Variants in CELF5 observed in about 807,000 individuals in gnomAD.
CELF5 encodes the protein CUGBP Elav-like family member 5, also known as CUG-BP and ETR-3 like factor 5.
Under a neutral mutation model 54.9 loss-of-function variants are expected in CELF5, and 6 were observed. The ratio of observed to expected loss-of-function variants is 0.11; its 90% CI spans 0.06 to 0.22. The LOEUF is 0.22. Ranked by LOEUF, CELF5 falls within the 10% of genes least tolerant of loss-of-function variation. The pLI is 1.00. For missense variants in CELF5, 401 were observed against 678.6 expected (o/e 0.59, Z 4.54); for synonymous variants, 271 against 290.9 (o/e 0.93, Z 0.70).
Position 3,257,895 on chromosome 19 carries a change from T to G in CELF5, c.342+6828T>G, listed in dbSNP as rs149194768. ...ATGCAGTGGTGCGATCATAGCTCAC[T>G]GCAGCTTTGACCTCCCACCTCAGCC... On this transcript the variant is annotated intron_variant, in intron 2 of 12. Coordinates refer to ENST00000292672, the MANE Select transcript of CELF5 (RefSeq NM_021938.4). 5.3e-3 allele frequency among the ~76,000 whole-genome samples: 806 copies of G among 151,656 alleles called. 9 individuals carry two copies. The highest frequency in any genetic ancestry group is 0.019 in the African/African-American group (771 of 41,334).
chr19:3,286,112 C>G (rs1392395895), intron 10 of CELF5, 87 bp downstream of exon 10: 2 of 1,208,386 alleles, frequency 1.7e-6, no homozygotes, highest in African/African-American at 3.2e-5. Context: ...GCCCGGGCCT[C>G]TGGGACCCGC....
At chr19:3,233,825 A>G (rs1259692156) in intron 1 of CELF5, among the ~76,000 whole-genome samples, 1 of 152,204 alleles carries the variant, frequency 6.6e-6, no homozygotes, top group East Asian at 1.9e-4. Context: ...TCTCAGGGGA[A>G]TATGGACAAT....
chr19:3,255,836 G>A (rs940302274), intron 2 of CELF5, among the ~76,000 whole-genome samples: 8 of 152,136 alleles, frequency 5.3e-5, no homozygotes, highest in Middle Eastern at 3.4e-3. Context: ...AGGCCGAGGC[G>A]AGCAGATCAT....
Position 3,228,639 on chromosome 19 carries a change from C to T in CELF5, c.259+3641C>T, listed in dbSNP as rs1327646308. Among the ~76,000 whole-genome samples, 3 of 120,754 alleles carry T rather than the reference C, an allele frequency of 2.5e-5. No homozygotes were observed. Among genetic ancestry groups the T allele is most frequent in the South Asian group, 2.9e-4 (1 of 3,468 alleles). 79.2% of individuals were successfully genotyped at this position (120,754 alleles called of 152,430 possible). ...GTGGGGGGGGGGCCCGGCGGGGGCC[C>T]GGGTGGGGGCCCGCGGTTTCCATGG... On this transcript the variant is annotated intron_variant, in intron 1 of 12. Transcript: ENST00000292672. The surrounding 1 kb of genome is among the most constrained non-coding windows in gnomAD (Gnocchi z 6.0).
chr19:3,236,176 G>A (rs747231200), intron 1 of CELF5, among the ~76,000 whole-genome samples: 2 of 152,136 alleles, frequency 1.3e-5, no homozygotes, highest in South Asian at 2.1e-4. Context: ...GCATTTATGC[G>A]TGCATTGAGG....
intron 4 of CELF5, among the ~76,000 whole-genome samples, chr19:3,276,914 C>T (rs1599462632): frequency 1.3e-5 from 2 of 152,118 alleles, no homozygotes; most frequent in South Asian, 4.1e-4. Context: ...GACAGAGTTA[C>T]CTGTGCCCTG....
intron 1 of CELF5, among the ~76,000 whole-genome samples, chr19:3,241,501 G>T (rs949732801): frequency 6.6e-6 from 1 of 151,910 alleles, no homozygotes; most frequent in Non-Finnish European, 1.5e-5. Context: ...GAACCCCAAG[G>T]CTCTCCAGGT....
At chr19:3,284,843 G>A in intron 8 of CELF5, 59 bp from the exon 9 acceptor site, 1 of 1,450,050 alleles carries the variant, frequency 6.9e-7, no homozygotes, top group Non-Finnish European at 9.7e-7. Context: ...TTAAGGATCG[G>A]GGGTGGATGG....
rs1406057524 is a variant in CELF5 at position 3,230,079 on chromosome 19, CATT to C, written c.259+5082_259+5084del. Among the ~76,000 whole-genome samples, 681 of 130,918 alleles carry C rather than the reference CATT, an allele frequency of 5.2e-3. 4 individuals are homozygous for C. Among genetic ancestry groups the C allele is most frequent in the Non-Finnish European group, 8.4e-3 (470 of 56,250 alleles). The allele number at this position is 130,918 out of a possible 152,430, so 85.9% of individuals were successfully genotyped here. ...TGGAAACACCTGGTAGGACCACACT[CATT>C]CATTCATTCATTCATTCATTCATTC... On this transcript the variant is annotated intron_variant, in intron 1 of 12. Transcript: ENST00000292672.
intron 11 of CELF5, among the ~76,000 whole-genome samples, chr19:3,291,719 G>C (rs1353457555): frequency 6.6e-6 from 1 of 151,774 alleles, no homozygotes; most frequent in Non-Finnish European, 1.5e-5. Context: ...GCAGTGAGGA[G>C]GCCCATGTGG....
Position 3,224,691 on chromosome 19 carries a change from T to TCGGCCCG in CELF5, c.-48_-47insGGCCCGC. The TCGGCCCG allele has an allele frequency of 1.0e-6, 1 of 992,512 alleles. No individual in the cohort carries two copies. The allele number at this position is 992,512 out of a possible 1,614,324, so 61.5% of individuals were successfully genotyped here. A position where few individuals can be genotyped will look rare whatever the true frequency, so the allele number is the denominator to read the frequency against. On this transcript the variant is annotated 5_prime_UTR_variant, in exon 1 of 13. Coordinates refer to ENST00000292672, the MANE Select transcript of CELF5 (RefSeq NM_021938.4). Reference sequence around the variant, plus strand: ...GCGCGGCCGCCGCTCCAGCTGCGAGTCCGCCCGCCGCCCGCCGCCGCCGCC... The same window carrying TCGGCCCG: ...GCGCGGCCGCCGCTCCAGCTGCGAGTCGGCCCGCCGCCCGCCGCCCGCCGCCGCCGCC...
intron 1 of CELF5, among the ~76,000 whole-genome samples, chr19:3,244,967 C>A (rs1468491842): frequency 2.0e-5 from 2 of 102,154 alleles, no homozygotes; most frequent in Non-Finnish European, 3.9e-5. Context: ...ATCTTGTCTG[C>A]GTGTGTGTGT....
intron 1 of CELF5, among the ~76,000 whole-genome samples, chr19:3,243,347 C>G (rs2079518711): frequency 6.6e-6 from 1 of 152,158 alleles, no homozygotes; most frequent in Non-Finnish European, 1.5e-5. Flanking sequence ...GTGGCACAAT[C>G]ATGCCTCACT....
intron 8 of CELF5, chr19:3,284,631 G>A: frequency 2.0e-6 from 1 of 512,560 alleles, no homozygotes; most frequent in Non-Finnish European, 3.6e-6. Flanking sequence ...ACCGGGTCGG[G>A]ATAGGGAGAG....
intron 2 of CELF5, among the ~76,000 whole-genome samples, chr19:3,266,911 G>A (rs1288865113): frequency 2.0e-5 from 3 of 152,268 alleles, no homozygotes; most frequent in South Asian, 2.1e-4. Context: ...CACGAGGTTC[G>A]CCCTGTGCTG....
At chr19:3,272,481 T>C (rs188481829) in intron 2 of CELF5, among the ~76,000 whole-genome samples, 119 of 152,284 alleles carry the variant, frequency 7.8e-4, no homozygotes, top group African/African-American at 2.6e-3. Context: ...TTGGAACCCA[T>C]AGGACTCAGG....
intron 2 of CELF5, among the ~76,000 whole-genome samples, chr19:3,251,860 A>G (rs1376918074): frequency 6.6e-6 from 1 of 151,684 alleles, no homozygotes; most frequent in East Asian, 1.9e-4. Context: ...TTTTTAGTAG[A>G]GACGGGGTTT....
intron 1 of CELF5, among the ~76,000 whole-genome samples, chr19:3,226,440 T>TTACACACACA (rs111809817): frequency 8.4e-6 from 1 of 118,876 alleles, no homozygotes; most frequent in Non-Finnish European, 1.7e-5. Flanking sequence ...AAACCAACCA[T>TTACACACACA]CACACACACA....
chr19:3,252,761 T>C (rs2079669131), intron 2 of CELF5, among the ~76,000 whole-genome samples: 1 of 151,368 alleles, frequency 6.6e-6, no homozygotes, highest in Non-Finnish European at 1.5e-5. Flanking sequence ...CAAGTTAGAG[T>C]GTGGGGTCTG....
Sources: allele counts gnomAD v4.1 joint callset (sites outside exome capture counted in the v4.1 genomes callset), GRCh38; gene constraint gnomAD v4.1.1; non-coding constraint Gnocchi (gnomAD v3.1); transcripts MANE v1.5; gene names NCBI Gene and HGNC (gene_info 2026-07-23, HGNC 2026-07-21).